Variants in SIL1 observed in about 807,000 individuals in gnomAD.
The protein encoded by SIL1 is nucleotide exchange factor SIL1.
SIL1 carries 40 observed loss-of-function variants against 49.1 expected under a neutral mutation model. The ratio of observed to expected loss-of-function variants is 0.81; its 90% confidence interval spans 0.63 to 1.06. SIL1 has a LOEUF of 1.06. SIL1 is among the 50% of genes least tolerant of loss of function. SIL1 has a pLI of 0.00. For synonymous variants in SIL1, 253 were observed against 250.8 expected, an observed-to-expected ratio of 1.01 and a Z score of -0.08; for missense variants, 500 against 572.6, an observed-to-expected ratio of 0.87 and a Z score of 1.29.
intron 3 of SIL1, among the ~76,000 whole-genome samples, chr5:139,112,793 A>G (rs1453579687): frequency 1.3e-5 from 2 of 152,130 alleles, no homozygotes; most frequent in African/African-American, 4.8e-5. Context: ...CCCGTCTGGG[A>G]GGTGCACCCA....
intron 1 of SIL1, among the ~76,000 whole-genome samples, chr5:139,143,314 C>CATATATAT (rs1561878662): frequency 4.9e-5 from 3 of 61,588 alleles, no homozygotes; most frequent in African/African-American, 1.8e-4. Flanking sequence ...TATACACACA[C>CATATATAT]ACACACACAC....
chr5:139,132,845 C>T (rs906193315), intron 1 of SIL1, among the ~76,000 whole-genome samples: 1 of 152,170 alleles, frequency 6.6e-6, no homozygotes, highest in Non-Finnish European at 1.5e-5. Flanking sequence ...AAGTGGCACA[C>T]AGCTATGCTT....
chr5:139,046,058 G>T (rs1320037891), intron 4 of SIL1, among the ~76,000 whole-genome samples: 1 of 152,308 alleles, frequency 6.6e-6, no homozygotes, highest in East Asian at 1.9e-4. Flanking sequence ...GCTGGGCGCG[G>T]TGGCTCATGC....
chr5:139,024,816 C>T (rs1768607474), intron 6 of SIL1, among the ~76,000 whole-genome samples: 1 of 152,220 alleles, frequency 6.6e-6, no homozygotes, highest in African/African-American at 2.4e-5. Context: ...TGCAAGTTCA[C>T]TCTTTTCCAT....
At chr5:138,962,311 T>G (rs1029499567) in intron 7 of SIL1, among the ~76,000 whole-genome samples, 1 of 152,074 alleles carries the variant, frequency 6.6e-6, no homozygotes, top group Non-Finnish European at 1.5e-5. Flanking sequence ...TCCATTTTTT[T>G]TTTTTTCCTC....
chr5:139,111,776 C>T (rs1442176606), intron 3 of SIL1, among the ~76,000 whole-genome samples: 1 of 152,200 alleles, frequency 6.6e-6, no homozygotes, highest in Non-Finnish European at 1.5e-5. Flanking sequence ...CCCAGCACAG[C>T]TCCTGGTTGG....
At chr5:139,055,284 T>C (rs1232822768) in intron 3 of SIL1, among the ~76,000 whole-genome samples, 1 of 152,126 alleles carries the variant, frequency 6.6e-6, no homozygotes, top group Non-Finnish European at 1.5e-5. Flanking sequence ...CCACTGACAC[T>C]GTCACTGACT....
At chr5:139,077,631 TC>T (rs1392292857) in intron 3 of SIL1, among the ~76,000 whole-genome samples, 1 of 152,226 alleles carries the variant, frequency 6.6e-6, no homozygotes, top group African/African-American at 2.4e-5. Flanking sequence ...GCAAGAACTT[TC>T]CCAAAAGCCT....
At chr5:139,018,142 T>C (rs978157443) in intron 7 of SIL1, among the ~76,000 whole-genome samples, 2 of 152,220 alleles carry the variant, frequency 1.3e-5, no homozygotes, top group Non-Finnish European at 2.9e-5. Context: ...AGTAGTCATG[T>C]CAATTACATT....
intron 4 of SIL1, among the ~76,000 whole-genome samples, chr5:139,045,075 A>C (rs985208208): frequency 6.6e-6 from 1 of 152,104 alleles, no homozygotes; most frequent in African/African-American, 2.4e-5. Flanking sequence ...AAAAACTCTC[A>C]GTCGGGTGTG....
At chr5:138,998,180 T>C (rs1227993482) in intron 7 of SIL1, among the ~76,000 whole-genome samples, 1 of 152,164 alleles carries the variant, frequency 6.6e-6, no homozygotes, top group African/African-American at 2.4e-5. Flanking sequence ...TTTACTTATT[T>C]ATCTATCTAT....
At chr5:139,012,035 G>A (rs182015860) in intron 7 of SIL1, among the ~76,000 whole-genome samples, 132 of 152,118 alleles carry the variant, frequency 8.7e-4, no homozygotes, top group Middle Eastern at 3.4e-3. Flanking sequence ...AAAGCATAAT[G>A]GAGACATCCT....
At chr5:139,130,681 T>C (rs1750846401) in intron 1 of SIL1, among the ~76,000 whole-genome samples, 1 of 152,174 alleles carries the variant, frequency 6.6e-6, no homozygotes, top group Non-Finnish European at 1.5e-5. Context: ...TGTACATCAA[T>C]GTTCATTGCA....
At chr5:139,042,813 G>A (rs1769075939) in intron 4 of SIL1, 94 bp from the exon 5 acceptor site, 5 of 1,105,034 alleles carry the variant, frequency 4.5e-6, no homozygotes, top group Non-Finnish European at 7.0e-6. Context: ...CAAGATGGAA[G>A]GATACCAAGA....
chr5:139,018,715 A>G (rs567620160), intron 7 of SIL1, among the ~76,000 whole-genome samples: 36 of 152,318 alleles, frequency 2.4e-4, no homozygotes, highest in South Asian at 2.1e-3. Context: ...AAGAATTACT[A>G]TAGCAGAAAC....
intron 1 of SIL1, among the ~76,000 whole-genome samples, chr5:139,161,406 G>C (rs1335500656): frequency 2.6e-5 from 4 of 152,174 alleles, no homozygotes; most frequent in Non-Finnish European, 5.9e-5. Context: ...GTAACCATGT[G>C]CTTTGAGAAA....
In SIL1 at chr5:138,982,523, T is replaced by G. The variant is rs566519144; in HGVS notation, c.768-30639A>C. Reference sequence around the variant, plus strand: ...AACAACTGGCAGTGATACAACATTTTTCTTCCAAAACAATCAGAGCATTTT... The same window carrying G: ...AACAACTGGCAGTGATACAACATTTGTCTTCCAAAACAATCAGAGCATTTT... On this transcript the variant is annotated intron_variant, in intron 7 of 9. Coordinates refer to ENST00000394817, the MANE Select transcript of SIL1 (RefSeq NM_022464.5). Among the ~76,000 whole-genome samples the G allele has an allele frequency of 7.5e-4, 114 of 152,356 alleles. 1 individual carries two copies. The South Asian group carries it at 0.011, about 15-fold the overall frequency.
In SIL1 at chr5:139,097,728, G is replaced by C. The variant is rs371433682; in HGVS notation, c.244+23307C>G. ...CCTGATCTCATGATCTGCCCACCTC[G>C]GCCTCCCAAAGTGCTGGGATTACAG... On this transcript the variant is annotated intron_variant, in intron 3 of 9. Coordinates refer to ENST00000394817, the MANE Select transcript of SIL1 (RefSeq NM_022464.5). 2.6e-5 allele frequency among the ~76,000 whole-genome samples: 4 copies of C among 151,804 alleles called. 1 individual carries two copies. In the South Asian group the frequency reaches 8.3e-4, roughly 32 times the overall value.
chr5:139,164,754 T>C (rs2151812206), intron 1 of SIL1, among the ~76,000 whole-genome samples: 2 of 152,270 alleles, frequency 1.3e-5, no homozygotes, highest in South Asian at 4.1e-4. Flanking sequence ...GGTGGGAAGA[T>C]GGTAGAGTAG....
Sources: allele counts gnomAD v4.1 joint callset (sites outside exome capture counted in the v4.1 genomes callset), GRCh38; gene constraint gnomAD v4.1.1; transcripts MANE v1.5; gene names NCBI Gene and HGNC (gene_info 2026-07-23, HGNC 2026-07-21).